Variants in ZIC2 observed in about 807,000 individuals in gnomAD.
ZIC2 encodes the protein Zic family zinc finger 2, also known as zinc finger protein ZIC 2.
ZIC2 carries 7 observed loss-of-function variants against 29.5 expected under a neutral mutation model. That is an observed-to-expected ratio of 0.24 (90% confidence interval 0.14 to 0.45). ZIC2 has a LOEUF of 0.45. Ranked by LOEUF, ZIC2 falls within the 20% of genes least tolerant of loss-of-function variation. The pLI is 1.00. For synonymous variants in ZIC2, 408 were observed against 354.2 expected (o/e 1.15, Z -1.70); for missense variants, 589 against 781.2 (o/e 0.75, Z 2.93).
rs2053272564 is a variant in ZIC2 at position 99,986,765 on chromosome 13, A to G, written c.*1083A>G. ...ATATAATAAAATGTGTTGAAACTGC[A>G]TGAACATACTATTTTTTCTAGCAAA... On this transcript the variant is annotated 3_prime_UTR_variant, in exon 3 of 3. Transcript: ENST00000376335. 6.5e-6 allele frequency: 1 copy of G among 152,686 alleles called. No homozygotes were observed. Among genetic ancestry groups the G allele is most frequent in the Admixed American group, 6.5e-5 (1 of 15,290 alleles). The allele number at this position is 152,686 out of a possible 1,614,324, so 9.5% of individuals were successfully genotyped here. A position where few individuals can be genotyped will look rare whatever the true frequency, so the allele number is the denominator to read the frequency against.
rs780396322 is a variant in ZIC2 at position 99,986,096 on chromosome 13, G to C, written c.*414G>C. ...AAGGCTTTTTGGTGTATAGAAGTTT[G>C]TCCATTTGTAAAACTCCGGATTGCG... On this transcript the variant is annotated 3_prime_UTR_variant, in exon 3 of 3. Transcript: ENST00000376335. 2 of 453,334 alleles carry C rather than the reference G, an allele frequency of 4.4e-6. No homozygotes were observed. Among genetic ancestry groups the C allele is most frequent in the Non-Finnish European group, 8.8e-6 (2 of 226,296 alleles). The allele number at this position is 453,334 out of a possible 1,614,324, so 28.1% of individuals were successfully genotyped here. A position where few individuals can be genotyped will look rare whatever the true frequency, so the allele number is the denominator to read the frequency against.
rs2053272190 is a variant in ZIC2, at chr13:99,986,692, AGTGGTTT to A, written c.*1012_*1018del. 3 of 152,688 alleles carry A rather than the reference AGTGGTTT, an allele frequency of 2.0e-5. No individual in the cohort carries two copies. Among genetic ancestry groups the A allele is most frequent in the African/African-American group, 7.2e-5 (3 of 41,442 alleles). The allele number at this position is 152,688 out of a possible 1,614,324, so 9.5% of individuals were successfully genotyped here. A position where few individuals can be genotyped will look rare whatever the true frequency, so the allele number is the denominator to read the frequency against. ...TCAGATTTTTTATTTGAAGGTTTTA[AGTGGTTT>A]GATCATTTCTTGTGATGTTTTGAGA... On this transcript the variant is annotated 3_prime_UTR_variant, in exon 3 of 3. Coordinates refer to ENST00000376335, the MANE Select transcript of ZIC2 (RefSeq NM_007129.5).
rs2053234035 is a variant in ZIC2, at chr13:99,981,836, C to T, written c.-229C>T. The stretch of plus-strand genomic sequence containing the variant: ...TCCTCCTCCCGCGCCGCCGCCTCCT[C>T]CTCCTCTTCCTCTCCGCGCCTTCGC... On this transcript the variant is annotated 5_prime_UTR_variant, in exon 1 of 3. Coordinates refer to ENST00000376335, the MANE Select transcript of ZIC2 (RefSeq NM_007129.5). 1.2e-6 allele frequency: 1 copy of T among 843,618 alleles called. No homozygotes were observed. The highest frequency in any genetic ancestry group is 1.7e-6 in the Non-Finnish European group (1 of 589,044). 52.3% of individuals were successfully genotyped at this position (843,618 alleles called of 1,614,324 possible). A position where few individuals can be genotyped will look rare whatever the true frequency, so the allele number is the denominator to read the frequency against.
rs1310905368 is a variant in ZIC2, at chr13:99,986,324, A to G, written c.*642A>G. ...TAGACTGGAAAAAATGAGCCGTGCC[A>G]AAGTCTCCCTTCTGTTTCTTCAGCA... is the stretch of plus-strand genomic sequence containing the variant. On this transcript the variant is annotated 3_prime_UTR_variant, in exon 3 of 3. Coordinates refer to ENST00000376335, the MANE Select transcript of ZIC2 (RefSeq NM_007129.5). The G allele has an allele frequency of 4.8e-5, 13 of 272,910 alleles. No homozygotes were observed. Among genetic ancestry groups the G allele is most frequent in the Non-Finnish European group, 8.6e-5 (12 of 139,234 alleles). 16.9% of individuals were successfully genotyped at this position (272,910 alleles called of 1,614,324 possible).
At position 99,985,577 on chromosome 13, in the gene ZIC2, C is replaced by CGGCGGCGGGGCG. The variant is rs777893609; in HGVS notation, c.1505_1516dup (p.Ala502_Gly505dup). 3.5e-6 allele frequency: 2 copies of CGGCGGCGGGGCG among 579,026 alleles called. No homozygotes were observed. Among genetic ancestry groups the CGGCGGCGGGGCG allele is most frequent in the Non-Finnish European group, 4.4e-6 (2 of 458,800 alleles). The allele number at this position is 579,026 out of a possible 1,614,324, so 35.9% of individuals were successfully genotyped here. A position where few individuals can be genotyped will look rare whatever the true frequency, so the allele number is the denominator to read the frequency against. On this transcript the variant is annotated inframe_insertion, in exon 3 of 3. Transcript: ENST00000376335. This position sits in a 1 kb window ranked among gnomAD's most constrained non-coding sequence, Gnocchi z 6.3. ...GCGGCGGCAGCGGCAGTGGCGGGGG[C>CGGCGGCGGGGCG]GGCGGCGGGGCGGGCGGCGGGGGCG...
At position 99,982,717 on chromosome 13, in the gene ZIC2, A is replaced by ATATGAACATGGG. The variant is rs980165353; in HGVS notation, c.665_676dup (p.Gly222_Met225dup). ...CTCCACAACCAGTACGGCCCCATGA[A>ATATGAACATGGG]TATGAACATGGGTATGAACATGGCA... On this transcript the variant is annotated inframe_insertion, in exon 1 of 3. Transcript: ENST00000376335. 22 of 1,601,098 alleles carry ATATGAACATGGG rather than the reference A, an allele frequency of 1.4e-5. No homozygotes were observed. The highest frequency in any genetic ancestry group is 3.3e-4 in the Middle Eastern group (2 of 6,080).
chr13:99,985,994 C>T lies in ZIC2; in HGVS notation c.*312C>T. The T allele has an allele frequency of 4.5e-6, 2 of 448,460 alleles. No homozygotes were observed. The highest frequency in any genetic ancestry group is 8.9e-6 in the Non-Finnish European group (2 of 224,842). 27.8% of individuals were successfully genotyped at this position (448,460 alleles called of 1,614,324 possible). The stretch of plus-strand genomic sequence containing the variant: ...CCCTGCTAATCTCCATGCCCACGTT[C>T]TTTCCCACCCTGTTCCCAGTCTTCT... On this transcript the variant is annotated 3_prime_UTR_variant, in exon 3 of 3. Transcript: ENST00000376335. This position sits in a 1 kb window ranked among gnomAD's most constrained non-coding sequence, Gnocchi z 6.3.
rs749567106 is a variant in ZIC2 at position 99,985,448 on chromosome 13, AGCGGCG to A, written c.1371_1376del (p.Ala469_Ala470del). 3 of 1,417,620 alleles carry A rather than the reference AGCGGCG, an allele frequency of 2.1e-6. No homozygotes were observed. The highest frequency in any genetic ancestry group is 1.9e-4 in the Middle Eastern group (1 of 5,296). 87.8% of individuals were successfully genotyped at this position (1,417,620 alleles called of 1,614,324 possible). A position where few individuals can be genotyped will look rare whatever the true frequency, so the allele number is the denominator to read the frequency against. On this transcript the variant is annotated inframe_deletion, in exon 3 of 3. Transcript: ENST00000376335. The surrounding 1 kb of genome is among the most constrained non-coding windows in gnomAD (Gnocchi z 6.3). ...CCCAGAGCAGCTCCAACCTGTCCCC[AGCGGCG>A]GCGGCAGCGGCGGCGGCGGCTGCGG... is the stretch of plus-strand genomic sequence containing the variant.
rs1302178381 is a variant in ZIC2 at position 99,982,559 on chromosome 13, G to T, written c.495G>T (p.Gln165His). ...TCCTCTTCCCGGGCCTGCCAGAGCAGCACGGGCCGCACGGCTCGCAGAATG... is the reference window on the plus strand; with the variant it reads ...TCCTCTTCCCGGGCCTGCCAGAGCATCACGGGCCGCACGGCTCGCAGAATG... ...GHLLFPGLPE[Q>H]HGPHGSQNVL... is the part of the protein sequence containing the mutation. Residue 165 changes from glutamine (Q) to histidine (H), a missense_variant, in exon 1 of 3, where the codon CAG becomes CAT. Gln to His is a conservative substitution (Grantham distance 24, BLOSUM62 0). Around this residue, in one of 7 missense-constraint regions of ZIC2, gnomAD observed 358 missense variants for 382.0 expected, o/e 0.94. Coordinates refer to ENST00000376335, the MANE Select transcript of ZIC2 (RefSeq NM_007129.5). 1 of 1,554,662 alleles carries T rather than the reference G, an allele frequency of 6.4e-7. No homozygotes were observed. The highest frequency in any genetic ancestry group is 8.7e-7 in the Non-Finnish European group (1 of 1,155,056).
intron 1 of ZIC2, chr13:99,984,561 C>G (rs1006461374): frequency 4.0e-5 from 13 of 323,792 alleles, no homozygotes; most frequent in Non-Finnish European, 5.4e-5. Flanking sequence ...AGCAGCCCAG[C>G]AGCCTGTGTG....
chr13:99,985,365 G>T lies in ZIC2; in HGVS notation c.1282G>T (p.Ala428Ser). 6.3e-7 allele frequency: 1 copy of T among 1,597,824 alleles called. No homozygotes were observed. The highest frequency in any genetic ancestry group is 8.5e-7 in the Non-Finnish European group (1 of 1,179,278). The change falls in exon 3 of 3, where the codon GCC becomes TCC. Residue 428 changes from alanine to serine, a missense_variant. Ala to Ser is a moderately conservative substitution (Grantham distance 99). This residue lies in a region of ZIC2 where 36 missense variants were observed against 72.9 expected (regional missense o/e 0.49). Transcript: ENST00000376335. The surrounding 1 kb of genome is among the most constrained non-coding windows in gnomAD (Gnocchi z 6.3). ...SPQGSESSPAASSGYESSTPP... is the reference protein window; with the variant it reads ...SPQGSESSPASSSGYESSTPP... ...GCAGGGCTCTGAATCCTCCCCGGCC[G>T]CCAGCTCCGGCTATGAGTCGTCCAC...
In ZIC2 at chr13:99,983,461, C is replaced by T. The variant is rs2053246862; in HGVS notation, c.1075+322C>T. 6.6e-6 allele frequency among the ~76,000 whole-genome samples: 1 copy of T among 152,304 alleles called. No homozygotes were observed. The highest frequency in any genetic ancestry group is 1.9e-4 in the East Asian group (1 of 5,180). On this transcript the variant is annotated intron_variant, in intron 1 of 2. Coordinates refer to ENST00000376335, the MANE Select transcript of ZIC2 (RefSeq NM_007129.5). The surrounding 1 kb of genome is among the most constrained non-coding windows in gnomAD (Gnocchi z 4.7). ...GTAGAAAGCACAAAATAAAACTGCT[C>T]GCTAATTCGGTGCCCGGGAAGCGAG...
Position 99,985,671 on chromosome 13 carries a change from TG to T in ZIC2, c.1590del (p.Trp530CysfsTer25). On this transcript the variant is annotated frameshift_variant, in exon 3 of 3. Transcript: ENST00000376335. LOFTEE classifies it high-confidence loss of function. The surrounding 1 kb of genome is among the most constrained non-coding windows in gnomAD (Gnocchi z 6.3). ...HSGLSSNFNE[W>X]YV ...CGGCCTCTCCTCCAACTTCAATGAA[TG>T]GTACGTGTGACGGGTCGGGGCCTCT... 1 of 1,333,054 alleles carries T rather than the reference TG, an allele frequency of 7.5e-7. No individual in the cohort carries two copies. The highest frequency in any genetic ancestry group is 9.8e-7 in the Non-Finnish European group (1 of 1,019,654). The allele number at this position is 1,333,054 out of a possible 1,614,324, so 82.6% of individuals were successfully genotyped here. A position where few individuals can be genotyped will look rare whatever the true frequency, so the allele number is the denominator to read the frequency against.
chr13:99,985,187 G>T lies in ZIC2; in HGVS notation c.1239+78G>T. On this transcript the variant is annotated intron_variant, in intron 2 of 2. Coordinates refer to ENST00000376335, the MANE Select transcript of ZIC2 (RefSeq NM_007129.5). The surrounding 1 kb of genome is among the most constrained non-coding windows in gnomAD (Gnocchi z 6.3). ...GCACTGGCCCGGACCACCTCAGCCG[G>T]CCTGGGAGGGTCCCCAGGGGCCAGG... 1.2e-6 allele frequency: 2 copies of T among 1,608,930 alleles called. No homozygotes were observed. The highest frequency in any genetic ancestry group is 8.5e-7 in the Non-Finnish European group (1 of 1,177,130).
rs757425789 is a variant in ZIC2 at position 99,982,287 on chromosome 13, T to C, written c.223T>C (p.Ser75Pro). Reference protein sequence around the residue: ...GAHELSPGQSSAFTSQGPGAY... With the variant: ...GAHELSPGQSPAFTSQGPGAY... The stretch of plus-strand genomic sequence containing the variant: ...GCACGAGCTGTCCCCGGGCCAGAGC[T>C]CGGCGTTCACGTCGCAGGGCCCCGG... Residue 75 changes from serine (S) to proline (P), a missense_variant, in exon 1 of 3, where the codon TCG becomes CCG. This residue lies in a region of ZIC2 where 358 missense variants were observed against 382.0 expected (regional missense o/e 0.94). Transcript: ENST00000376335. The C allele has an allele frequency of 9.4e-6, 14 of 1,490,202 alleles. No individual in the cohort carries two copies. The highest frequency in any genetic ancestry group is 1.2e-5 in the Non-Finnish European group (14 of 1,123,612). The allele number at this position is 1,490,202 out of a possible 1,614,324, so 92.3% of individuals were successfully genotyped here.
Position 99,985,710 on chromosome 13 carries a change from G to T in ZIC2, c.*28G>T. ...GGTCGGGGCCTCTCTCCCTCTCCCT[G>T]TCCCCACCCCAGCGCAGCAGCCCTC... On this transcript the variant is annotated 3_prime_UTR_variant, in exon 3 of 3. Coordinates refer to ENST00000376335, the MANE Select transcript of ZIC2 (RefSeq NM_007129.5). The surrounding 1 kb of genome is among the most constrained non-coding windows in gnomAD (Gnocchi z 6.3). 7.7e-7 allele frequency: 1 copy of T among 1,301,006 alleles called. No individual in the cohort carries two copies. Among genetic ancestry groups the T allele is most frequent in the Non-Finnish European group, 1.0e-6 (1 of 993,824 alleles). 80.6% of individuals were successfully genotyped at this position (1,301,006 alleles called of 1,614,324 possible).
At position 99,982,310 on chromosome 13, in the gene ZIC2, C is replaced by T; in HGVS notation, c.246C>T (p.Pro82=). 1 of 1,476,708 alleles carries T rather than the reference C, an allele frequency of 6.8e-7. No individual in the cohort carries two copies. 91.5% of individuals were successfully genotyped at this position (1,476,708 alleles called of 1,614,324 possible). A position where few individuals can be genotyped will look rare whatever the true frequency, so the allele number is the denominator to read the frequency against. The change falls in exon 1 of 3, where the codon CCC becomes CCT. Residue 82 remains proline (P), a synonymous_variant. Coordinates refer to ENST00000376335, the MANE Select transcript of ZIC2 (RefSeq NM_007129.5). ...GCTCGGCGTTCACGTCGCAGGGCCC[C>T]GGCGCCTACCCCGGCTCCGCTGCGG... ...GQSSAFTSQG[P]GAYPGSAAAA... is the part of the protein sequence containing the mutation.
At position 99,982,777 on chromosome 13, in the gene ZIC2, A is replaced by C. The variant is rs2152162637; in HGVS notation, c.713A>C (p.His238Pro). Reference protein sequence around the residue: ...AAAHHHHHHHHHPGAFFRYMR... With the variant: ...AAAHHHHHHHPHPGAFFRYMR... ...GCCCACCACCACCACCACCACCACC[A>C]CCACCCCGGTGCCTTTTTCCGCTAT... The change falls in exon 1 of 3, where the codon CAC becomes CCC. Residue 238 changes from histidine (H) to proline (P), a missense_variant. His to Pro is a moderately conservative substitution (Grantham distance 77). Around this residue, in one of 7 missense-constraint regions of ZIC2, gnomAD observed 358 missense variants for 382.0 expected, o/e 0.94. Coordinates refer to ENST00000376335, the MANE Select transcript of ZIC2 (RefSeq NM_007129.5). The C allele has an allele frequency of 6.3e-7, 1 of 1,593,532 alleles. No individual in the cohort carries two copies. The highest frequency in any genetic ancestry group is 2.3e-5 in the East Asian group (1 of 44,304).
rs748825084 is a variant in ZIC2, at chr13:99,985,481, G to T, written c.1398G>T (p.Ala466=). The T allele has an allele frequency of 1.1e-5, 14 of 1,269,882 alleles. 1 individual carries two copies. The highest frequency in any genetic ancestry group is 2.4e-4 in the Middle Eastern group (1 of 4,136). The allele number at this position is 1,269,882 out of a possible 1,614,324, so 78.7% of individuals were successfully genotyped here. The change falls in exon 3 of 3, where the codon GCG becomes GCT. Residue 466 remains alanine (A), a synonymous_variant. Coordinates refer to ENST00000376335, the MANE Select transcript of ZIC2 (RefSeq NM_007129.5). The surrounding 1 kb of genome is among the most constrained non-coding windows in gnomAD (Gnocchi z 6.3). The part of the protein sequence containing the change: ...AAAAAAAAAA[A]AAAAVSAVHR... Reference sequence around the variant, plus strand: ...CGGCAGCGGCGGCGGCGGCTGCGGCGGCGGCGGCCGCGGTGTCCGCGGTGC... The same window carrying T: ...CGGCAGCGGCGGCGGCGGCTGCGGCTGCGGCGGCCGCGGTGTCCGCGGTGC...
Sources: gnomAD v4.1 joint callset for allele counts (sites outside exome capture counted in the v4.1 genomes callset) on GRCh38, gnomAD v4.1.1 for gene constraint, gnomAD v4.1.1 regional missense constraint, Gnocchi (gnomAD v3.1) non-coding constraint, MANE v1.5 for transcripts, NCBI Gene and HGNC (gene_info 2026-07-23, HGNC 2026-07-21) for gene names.